BDNF: variants seen among roughly 807,000 people sequenced by gnomAD.
BDNF encodes the protein neurotrophic factor BDNF precursor form.
Under a neutral mutation model 19.5 loss-of-function variants are expected in BDNF, and 1 was observed. The observed-to-expected ratio is 0.05, with a 90% CI of 0.02 to 0.24. The LOEUF (loss-of-function observed/expected upper bound fraction) is 0.24. Ranked by LOEUF, BDNF falls within the 10% of genes least tolerant of loss-of-function variation. BDNF has a pLI of 1.00. For synonymous variants in BDNF, 100 were observed against 121.6 expected, an observed-to-expected ratio of 0.82 and a Z score of 1.17; for missense variants, 195 against 317.6, an observed-to-expected ratio of 0.61 and a Z score of 2.93.
In BDNF at chr11:27,657,834, T is replaced by G. The variant is rs1430193004; in HGVS notation, c.731A>C (p.Lys244Thr). 6.2e-7 allele frequency: 1 copy of G among 1,613,920 alleles called. No homozygotes were observed. The highest frequency in any genetic ancestry group is 8.5e-7 in the Non-Finnish European group (1 of 1,179,786). ...AACATAAATCCACTATCTTCCCCTT[T>G]TAATGGTCAATGTACATACACAAGA... Reference protein sequence around the residue: ...DTSCVCTLTIKRGR With the variant: ...DTSCVCTLTITRGR Residue 244 changes from lysine to threonine, a missense_variant, in exon 2 of 2, where the codon AAA becomes ACA. By Grantham distance (78) the Lys-to-Thr change is moderately conservative. Coordinates refer to ENST00000356660, the MANE Select transcript of BDNF (RefSeq NM_001709.5). This position sits in a 1 kb window ranked among gnomAD's most constrained non-coding sequence, Gnocchi z 5.0.
At chr11:27,675,837 G>T (rs1296987190) in intron 1 of BDNF, 1 of 151,920 alleles carries the variant, frequency 6.6e-6, no homozygotes. Flanking sequence ...AAGAGCCATC[G>T]AGTCAAAACA....
intron 1 of BDNF, chr11:27,674,442 T>C: frequency 7.0e-7 from 1 of 1,433,494 alleles, no homozygotes; most frequent in Non-Finnish European, 9.1e-7. Flanking sequence ...AGCTCCCAGC[T>C]CTTCTGAAGT....
chr11:27,712,927 C>CTTT (rs112937534), intron 1 of BDNF, among the ~76,000 whole-genome samples: 23 of 117,176 alleles, frequency 2.0e-4, no homozygotes, highest in East Asian at 2.8e-4. Context: ...TTCTTTCTTT[C>CTTT]TTTTTTTTTT....
chr11:27,719,677 A>C, intron 1 of BDNF: 1 of 976,782 alleles, frequency 1.0e-6, no homozygotes, highest in Non-Finnish European at 1.2e-6. Context: ...TCCAGCGAGG[A>C]GCGAGGGCGA....
intron 1 of BDNF, among the ~76,000 whole-genome samples, chr11:27,707,846 G>A (rs1215788718): frequency 6.6e-6 from 1 of 152,086 alleles, no homozygotes; most frequent in Non-Finnish European, 1.5e-5. Context: ...ACCTGGGAAT[G>A]GGGGGTGGTG....
chr11:27,713,718 T>C (rs1481599629), intron 1 of BDNF, among the ~76,000 whole-genome samples: 1 of 152,220 alleles, frequency 6.6e-6, no homozygotes, highest in Non-Finnish European at 1.5e-5. Flanking sequence ...TTGGATCACC[T>C]TTCCCAGGTT....
At chr11:27,659,415 G>A in intron 1 of BDNF, 1 of 1,000,172 alleles carries the variant, frequency 1.0e-6, no homozygotes, top group African/African-American at 1.7e-5. Context: ...TCTATGCCTG[G>A]GGCTAATGTC....
At chr11:27,675,565 C>T (rs1202720950) in intron 1 of BDNF, 11 of 152,160 alleles carry the variant, frequency 7.2e-5, no homozygotes. Flanking sequence ...GACACAAAAT[C>T]TTTCTTTTTA....
upstream of BDNF, chr11:27,701,305 T>C: frequency 3.6e-6 from 4 of 1,124,168 alleles, no homozygotes; most frequent in Non-Finnish European, 4.4e-6. Flanking sequence ...ACCTTTTCAG[T>C]CACTACTTGT....
chr11:27,715,196 A>G (rs140054439), intron 1 of BDNF, among the ~76,000 whole-genome samples: 1 of 152,328 alleles, frequency 6.6e-6, no homozygotes, highest in Non-Finnish European at 1.5e-5. Context: ...GGAAATGATC[A>G]GCCAAGCTCA....
rs966903803 is a variant in BDNF, at chr11:27,720,320, C to G, written c.3+1092G>C. On this transcript the variant is annotated intron_variant, in intron 1 of 1. Transcript: ENST00000314915. ...CAAAATAGCTCAAGAATTGGGGATG[C>G]AAGGGGTCCCCGCCCTGGTGCTTAC... 40 of 985,816 alleles carry G rather than the reference C, an allele frequency of 4.1e-5. No homozygotes were observed. In the South Asian group the frequency reaches 1.7e-3, roughly 42 times the overall value. 61.1% of individuals were successfully genotyped at this position (985,816 alleles called of 1,614,324 possible).
In BDNF at chr11:27,668,349, A is replaced by G. The variant is rs191478319; in HGVS notation, c.-21-9764T>C. Among the ~76,000 whole-genome samples the G allele has an allele frequency of 4.5e-4, 68 of 152,326 alleles. No homozygotes were observed. In the East Asian group the frequency reaches 0.013, roughly 28 times the overall value. ...CTAAAATTGACACCCTAACATCACA[A>G]TTTAGAGAAGCAAGAGCAAACACAT... is the stretch of plus-strand genomic sequence containing the variant. On this transcript the variant is annotated intron_variant, in intron 1 of 1. Coordinates refer to ENST00000356660, the MANE Select transcript of BDNF (RefSeq NM_001709.5).
intron 1 of BDNF, chr11:27,659,343 GA>G (rs1341847691): frequency 1.0e-6 from 1 of 1,000,166 alleles, no homozygotes; most frequent in African/African-American, 1.7e-5. Flanking sequence ...GGTCACAACT[GA>G]AAATGTTTTG....
chr11:27,708,150 C>A (rs1345117112), intron 1 of BDNF, among the ~76,000 whole-genome samples: 1 of 152,246 alleles, frequency 6.6e-6, no homozygotes, highest in South Asian at 2.1e-4. Flanking sequence ...CATCCACTGG[C>A]CTTTTTAATT....
intron 1 of BDNF, among the ~76,000 whole-genome samples, chr11:27,666,322 C>T (rs939058152): frequency 6.6e-6 from 1 of 152,170 alleles, no homozygotes; most frequent in East Asian, 1.9e-4. Flanking sequence ...GGGGAGAAAC[C>T]AGAGCAGAGA....
Position 27,700,168 on chromosome 11 carries a change from G to A in BDNF, c.-26C>T. ...CCATTCCCAGCGCTTGCCTACCTCGGGGTCCACACAAACCTCACGGGTCCC... is the reference window on the plus strand; with the variant it reads ...CCATTCCCAGCGCTTGCCTACCTCGAGGTCCACACAAACCTCACGGGTCCC... On this transcript the variant is annotated 5_prime_UTR_variant, in exon 1 of 2. Coordinates refer to ENST00000356660, the MANE Select transcript of BDNF (RefSeq NM_001709.5). The A allele has an allele frequency of 2.0e-6, 2 of 985,856 alleles. No homozygotes were observed. Among genetic ancestry groups the A allele is most frequent in the Non-Finnish European group, 2.4e-6 (2 of 830,334 alleles). 61.1% of individuals were successfully genotyped at this position (985,856 alleles called of 1,614,324 possible). A position where few individuals can be genotyped will look rare whatever the true frequency, so the allele number is the denominator to read the frequency against.
intron 1 of BDNF, among the ~76,000 whole-genome samples, chr11:27,691,636 T>A (rs1432241588): frequency 1.3e-5 from 2 of 152,210 alleles, no homozygotes; most frequent in Non-Finnish European, 2.9e-5. Context: ...AAGTACTCAT[T>A]CATACTTGGA....
At chr11:27,672,473 G>A (rs562690735) in intron 1 of BDNF, among the ~76,000 whole-genome samples, 25 of 152,084 alleles carry the variant, frequency 1.6e-4, no homozygotes, top group Non-Finnish European at 2.9e-4. Context: ...GCAACAGAGG[G>A]AACCAACTCA....
At chr11:27,676,736 A>C (rs1856169179) in intron 1 of BDNF, among the ~76,000 whole-genome samples, 1 of 152,216 alleles carries the variant, frequency 6.6e-6, no homozygotes, top group East Asian at 1.9e-4. Flanking sequence ...ATCATTCCTC[A>C]AAAAAGCATC....
Sources: gnomAD v4.1 joint callset for allele counts (sites outside exome capture counted in the v4.1 genomes callset) on GRCh38, gnomAD v4.1.1 for gene constraint, Gnocchi (gnomAD v3.1) non-coding constraint, MANE v1.5 for transcripts, NCBI Gene and HGNC (gene_info 2026-07-23, HGNC 2026-07-21) for gene names.